RBFOX1: variants seen among roughly 807,000 people sequenced by gnomAD.
RBFOX1 encodes the protein RNA binding protein fox-1 homolog 1.
Under a neutral mutation model 57.7 loss-of-function variants are expected in RBFOX1, and 8 were observed. The observed-to-expected ratio is 0.14, with a 90% CI of 0.08 to 0.25. The LOEUF (loss-of-function observed/expected upper bound fraction) is 0.25. RBFOX1 is among the 10% of genes least tolerant of loss of function. The pLI is 1.00. For missense variants in RBFOX1, 611 were observed against 548.5 expected (o/e 1.11, Z -1.14); for synonymous variants, 326 against 222.4 (o/e 1.47, Z -4.15).
In RBFOX1 at chr16:7,710,430, C is replaced by G. The variant is rs1048572994; in HGVS notation, c.1072-193C>G. The G allele has an allele frequency of 2.8e-6, 4 of 1,403,520 alleles. No homozygotes were observed. The East Asian group carries it at 8.4e-5, about 29-fold the overall frequency. The allele number at this position is 1,403,520 out of a possible 1,614,324, so 86.9% of individuals were successfully genotyped here. A position where few individuals can be genotyped will look rare whatever the true frequency, so the allele number is the denominator to read the frequency against. ...CAGAATTTGGTTTTGCAGGGAATTT[C>G]TTTAGGAGGAGCTATTGGGGAAGGT... On this transcript the variant is annotated intron_variant, in intron 15 of 15. Coordinates refer to ENST00000550418, the MANE Select transcript of RBFOX1 (RefSeq NM_018723.4).
intron 3 of RBFOX1, among the ~76,000 whole-genome samples, chr16:7,026,910 TA>T (rs2041131087): frequency 6.6e-6 from 1 of 152,142 alleles, no homozygotes; most frequent in African/African-American, 2.4e-5. Flanking sequence ...CCCCGTAGGG[TA>T]ATACCGGAGC....
intron 4 of RBFOX1, among the ~76,000 whole-genome samples, chr16:5,955,588 A>G (rs2059621630): frequency 6.6e-6 from 1 of 152,120 alleles, no homozygotes; most frequent in Non-Finnish European, 1.5e-5. Flanking sequence ...ATAAATGTAT[A>G]AGTCACCTCT....
At chr16:7,709,746 TGGGAGGGGGTGG>T in intron 15 of RBFOX1, 1 of 177,472 alleles carries the variant, frequency 5.6e-6, no homozygotes, top group Non-Finnish European at 6.9e-6. Context: ...GTTTTTGTTT[TGGGAGGGGGTGG>T]GGGGAGGGTA....
At chr16:6,193,953 G>A (rs1314006136) in intron 1 of RBFOX1, among the ~76,000 whole-genome samples, 1 of 152,074 alleles carries the variant, frequency 6.6e-6, no homozygotes, top group Non-Finnish European at 1.5e-5. Flanking sequence ...TCCGCCTCTT[G>A]GCTTTCCATT....
chr16:7,633,009 T>C (rs1041057431), intron 11 of RBFOX1, among the ~76,000 whole-genome samples: 2 of 152,064 alleles, frequency 1.3e-5, no homozygotes, highest in African/African-American at 4.8e-5. Flanking sequence ...CATAATAAAA[T>C]AGCTGAAGCA....
chr16:6,977,967 C>T (rs528809367), intron 3 of RBFOX1, among the ~76,000 whole-genome samples: 2 of 128,994 alleles, frequency 1.6e-5, no homozygotes, highest in South Asian at 2.5e-4. Context: ...ACCTCCTTTC[C>T]CAATGTGGCT....
rs184910351 is a variant in RBFOX1, at chr16:7,496,246, G to A, written c.28-21901G>A. Among the ~76,000 whole-genome samples the A allele has an allele frequency of 3.9e-5, 6 of 152,288 alleles. No individual in the cohort carries two copies. The South Asian group carries it at 6.2e-4, about 16-fold the overall frequency. On this transcript the variant is annotated intron_variant, in intron 4 of 15. Transcript: ENST00000550418. ...GCAACCTCCATCTCCCAGTTCAAGT[G>A]ATTCTCTTGCCTCAGCCTCCCAAGT...
chr16:7,483,685 G>A (rs930804258), intron 4 of RBFOX1, among the ~76,000 whole-genome samples: 14 of 152,158 alleles, frequency 9.2e-5, no homozygotes, highest in African/African-American at 3.1e-4. Flanking sequence ...TATTTTAAAG[G>A]TGGGTTTTCC....
At chr16:7,453,368 G>GTTGAGCTA (rs2057781956) in intron 4 of RBFOX1, among the ~76,000 whole-genome samples, 1 of 152,148 alleles carries the variant, frequency 6.6e-6, no homozygotes, top group Non-Finnish European at 1.5e-5. Flanking sequence ...GAGCTAGGGA[G>GTTGAGCTA]GTGGAGAGTG....
At chr16:5,452,562 C>G (rs1195467707) in intron 1 of RBFOX1, among the ~76,000 whole-genome samples, 1 of 152,248 alleles carries the variant, frequency 6.6e-6, no homozygotes, top group East Asian at 1.9e-4. Context: ...CCATTTGTTC[C>G]TCTGCCTTTC....
At chr16:5,917,193 G>A (rs768066190) in intron 4 of RBFOX1, among the ~76,000 whole-genome samples, 3 of 152,124 alleles carry the variant, frequency 2.0e-5, no homozygotes, top group Non-Finnish European at 4.4e-5. Flanking sequence ...TTCACTCCCA[G>A]CGCCCGTGCT....
chr16:6,017,220 A>G (rs1425072422), upstream of RBFOX1, among the ~76,000 whole-genome samples: 1 of 152,246 alleles, frequency 6.6e-6, no homozygotes. Flanking sequence ...CCTTTCTGGA[A>G]TAAAAAATGA....
At chr16:6,640,156 C>T (rs902548762) in intron 2 of RBFOX1, among the ~76,000 whole-genome samples, 4 of 152,154 alleles carry the variant, frequency 2.6e-5, no homozygotes, top group Admixed American at 6.5e-5. Context: ...TCCACATCTA[C>T]AGGTGAAATT....
chr16:7,114,770 G>T (rs1478557618), intron 4 of RBFOX1, among the ~76,000 whole-genome samples: 2 of 152,160 alleles, frequency 1.3e-5, no homozygotes, highest in Admixed American at 1.3e-4. Context: ...GTTTACATGT[G>T]CTTCTCTGTC....
At chr16:7,443,286 C>T (rs1315152746) in intron 4 of RBFOX1, among the ~76,000 whole-genome samples, 1 of 152,008 alleles carries the variant, frequency 6.6e-6, no homozygotes, top group Non-Finnish European at 1.5e-5. Context: ...TTCTTGGTGG[C>T]TTAGAAGGTT....
At chr16:7,397,689 A>AAGACTGT (rs1326751217) in intron 4 of RBFOX1, among the ~76,000 whole-genome samples, 1 of 152,182 alleles carries the variant, frequency 6.6e-6, no homozygotes, top group African/African-American at 2.4e-5. Flanking sequence ...TTTACATAGG[A>AAGACTGT]AGACTGTCCT....
intron 4 of RBFOX1, among the ~76,000 whole-genome samples, chr16:7,173,113 T>C (rs2081022412): frequency 6.6e-6 from 1 of 152,330 alleles, no homozygotes; most frequent in Non-Finnish European, 1.5e-5. Context: ...GTATCAGACA[T>C]ACTTTTTGAT....
At chr16:6,165,204 A>G (rs1157845492) in intron 1 of RBFOX1, among the ~76,000 whole-genome samples, 1 of 152,220 alleles carries the variant, frequency 6.6e-6, no homozygotes, top group Non-Finnish European at 1.5e-5. Context: ...TGTAGACGGA[A>G]CAAGATAATG....
intron 3 of RBFOX1, among the ~76,000 whole-genome samples, chr16:6,959,515 C>T (rs1247021236): frequency 6.6e-6 from 1 of 151,976 alleles, no homozygotes; most frequent in African/African-American, 2.4e-5. Context: ...ATTTTTTACC[C>T]TCTCTCATTC....
Sources: allele counts gnomAD v4.1 joint callset (sites outside exome capture counted in the v4.1 genomes callset), GRCh38; gene constraint gnomAD v4.1.1; transcripts MANE v1.5; gene names NCBI Gene and HGNC (gene_info 2026-07-23, HGNC 2026-07-21).